The following ZNF721 variants were observed in gnomAD, a reference collection of about 807,000 sequenced individuals.
ZNF721 encodes the protein zinc finger protein 721.
A neutral mutation model predicts 2.4 loss-of-function variants in ZNF721; 2 were observed. That is an observed-to-expected ratio of 0.82 (90% CI 0.34 to 2.58). The LOEUF is 2.58. Ranked by LOEUF, ZNF721 falls within the 30% of genes most tolerant of loss-of-function variation. ZNF721 has a pLI of 0.11. For missense variants in ZNF721, 1,187 were observed against 1,085.5 expected (o/e 1.09, Z -1.31); for synonymous variants, 398 against 381.8 (o/e 1.04, Z -0.50).
At chr4:484,133 T>C (rs1715835952) in intron 1 of ZNF721, among the ~76,000 whole-genome samples, 1 of 152,226 alleles carries the variant, frequency 6.6e-6, no homozygotes, top group African/African-American at 2.4e-5. Context: ...ATTAATACTT[T>C]TGTAATTTCT....
At chr4:447,064 G>A (rs1027266772) in intron 2 of ZNF721, among the ~76,000 whole-genome samples, 1 of 152,140 alleles carries the variant, frequency 6.6e-6, no homozygotes, top group Non-Finnish European at 1.5e-5. Context: ...GCTCACACCT[G>A]TAATCCCAGC....
intron 1 of ZNF721, among the ~76,000 whole-genome samples, chr4:482,330 A>AT (rs562090365): frequency 3.6e-4 from 54 of 151,936 alleles, no homozygotes; most frequent in African/African-American, 1.2e-3. Context: ...CACCTGGCTA[A>AT]TTTTTTGTAT....
In ZNF721 at chr4:443,714, A is replaced by T. The variant is rs782057251; in HGVS notation, c.753T>A (p.Cys251Ter). The T allele has an allele frequency of 5.6e-5, 91 of 1,613,980 alleles. No individual in the cohort carries two copies. The highest frequency in any genetic ancestry group is 3.3e-4 in the Middle Eastern group (2 of 6,084). ...AGGAAATGACTTTGCCACATTCCTT[A>T]CATTTGTAGGGTTTCTCTCCAGTAT... ...KIHTGEKPYKCKECGKVISSS... is the reference protein window; with the variant it reads ...KIHTGEKPYK Residue 251 changes from cysteine to a stop codon, truncating the protein, a stop_gained, in exon 3 of 3, where the codon TGT becomes TGA. Transcript: ENST00000511833. LOFTEE classifies it low-confidence loss of function (END_TRUNC).
At chr4:458,916 T>A (rs60285705) in intron 2 of ZNF721, among the ~76,000 whole-genome samples, 26,820 of 151,764 alleles carry the variant, frequency 0.18, 2,971 homozygotes, top group Non-Finnish European at 0.23. Context: ...AAAGGTCAGG[T>A]TACCCACAAA....
intron 1 of ZNF721, among the ~76,000 whole-genome samples, chr4:485,713 C>T (rs1215749761): frequency 8.5e-5 from 13 of 152,312 alleles, no homozygotes; most frequent in African/African-American, 1.9e-4. Flanking sequence ...AACTGGCGCA[C>T]GCCTGTAATC....
At chr4:458,644 G>A (rs782279611) in intron 2 of ZNF721, among the ~76,000 whole-genome samples, 6 of 152,086 alleles carry the variant, frequency 3.9e-5, no homozygotes, top group African/African-American at 1.2e-4. Flanking sequence ...TCAGGAGTTC[G>A]AGACCAGCCT....
intron 1 of ZNF721, among the ~76,000 whole-genome samples, chr4:476,196 T>C (rs1431071971): frequency 2.0e-5 from 3 of 152,212 alleles, no homozygotes; most frequent in Admixed American, 6.5e-5. Context: ...AAGTCTTTCA[T>C]TCCTTCCAGA....
intron 1 of ZNF721, among the ~76,000 whole-genome samples, chr4:480,956 T>G (rs1715756800): frequency 1.3e-5 from 2 of 152,136 alleles, no homozygotes; most frequent in Non-Finnish European, 2.9e-5. Context: ...AGCATCTTAC[T>G]TTTCCACACA....
chr4:442,726 C>T lies in ZNF721; in HGVS notation c.1741G>A (p.Gly581Arg), dbSNP rs1553863442. Residue 581 changes from glycine to arginine, a missense_variant, in exon 3 of 3, where the codon GGA becomes AGA. Gly to Arg is a moderately radical substitution (Grantham distance 125). Coordinates refer to ENST00000511833, the MANE Select transcript of ZNF721 (RefSeq NM_133474.4). ...NLYVHRRIHTGEKPYKCEECG... is the reference protein window; with the variant it reads ...NLYVHRRIHTREKPYKCEECG... ...TCTTCACATTTGTAAGGTTTCTCTCCAGTATGAATTCTCCTATGTACATAA... is the reference window on the plus strand; with the variant it reads ...TCTTCACATTTGTAAGGTTTCTCTCTAGTATGAATTCTCCTATGTACATAA... 6.2e-7 allele frequency: 1 copy of T among 1,614,172 alleles called. No individual in the cohort carries two copies. Among genetic ancestry groups the T allele is most frequent in the African/African-American group, 1.3e-5 (1 of 75,052 alleles).
Position 441,588 on chromosome 4 carries a change from G to A in ZNF721, c.*107C>T. 8.0e-6 allele frequency: 7 copies of A among 879,568 alleles called. No homozygotes were observed. Among genetic ancestry groups the A allele is most frequent in the Admixed American group, 2.9e-5 (1 of 34,420 alleles). 54.5% of individuals were successfully genotyped at this position (879,568 alleles called of 1,614,324 possible). On this transcript the variant is annotated 3_prime_UTR_variant, in exon 3 of 3. Transcript: ENST00000511833. ...TCTTATGATTAGAAAGGATTGAGGA[G>A]CATTTAAAGACCGCGACATTCGTCA... is the stretch of plus-strand genomic sequence containing the variant.
intron 1 of ZNF721, among the ~76,000 whole-genome samples, chr4:496,707 CTTTTTTTTTTTTTTT>C (rs781947891): frequency 4.8e-5 from 4 of 83,842 alleles, no homozygotes; most frequent in Middle Eastern, 0.011. Context: ...TACATGACTT[CTTTTTTTTTTTTTTT>C]TTTTTTTTTT....
At chr4:485,157 G>C (rs1376133538) in intron 1 of ZNF721, among the ~76,000 whole-genome samples, 1 of 152,158 alleles carries the variant, frequency 6.6e-6, no homozygotes, top group Non-Finnish European at 1.5e-5. Context: ...ACAGGTGTGA[G>C]CTACCACGCC....
chr4:484,018 G>A (rs1553869889), intron 1 of ZNF721, among the ~76,000 whole-genome samples: 1 of 152,168 alleles, frequency 6.6e-6, no homozygotes, highest in Non-Finnish European at 1.5e-5. Context: ...CACCATGTTG[G>A]TCAGTGTTAT....
At position 443,284 on chromosome 4, in the gene ZNF721, CA is replaced by C; in HGVS notation, c.1182del (p.Cys394TrpfsTer39). 6.2e-7 allele frequency: 1 copy of C among 1,613,984 alleles called. No homozygotes were observed. Among genetic ancestry groups the C allele is most frequent in the Non-Finnish European group, 8.5e-7 (1 of 1,179,980 alleles). ...TTTGTTGAACTATTAAAGGCTTTGCCACACTCTTCACATTTGTAAGGTTTCT... is the reference window on the plus strand; with the variant it reads ...TTTGTTGAACTATTAAAGGCTTTGCCCACTCTTCACATTTGTAAGGTTTCT... ...TGEKPYKCEECGKAFNSSTNL... is the reference protein window; with the variant it reads ...TGEKPYKCEEXGKAFNSSTNL... On this transcript the variant is annotated frameshift_variant, in exon 3 of 3. Transcript: ENST00000511833. LOFTEE classifies it low-confidence loss of function (END_TRUNC).
intron 1 of ZNF721, among the ~76,000 whole-genome samples, chr4:495,331 C>CAAAAA (rs548290022): frequency 1.1e-5 from 1 of 90,506 alleles, no homozygotes; most frequent in Non-Finnish European, 2.2e-5. Context: ...AACTTTTGCT[C>CAAAAA]AAAAAAAAAA....
At chr4:469,565 T>C (rs1553867281) in intron 2 of ZNF721, among the ~76,000 whole-genome samples, 3 of 152,180 alleles carry the variant, frequency 2.0e-5, no homozygotes, top group African/African-American at 7.2e-5. Context: ...TTCACAGTAA[T>C]AGAAAACACA....
chr4:488,098 G>C (rs1363716829), intron 1 of ZNF721, among the ~76,000 whole-genome samples: 1 of 152,194 alleles, frequency 6.6e-6, no homozygotes, highest in Non-Finnish European at 1.5e-5. Context: ...TTAAAACCCA[G>C]AAAACATTAT....
chr4:460,136 C>G (rs113886072), intron 2 of ZNF721, among the ~76,000 whole-genome samples: 1 of 152,120 alleles, frequency 6.6e-6, no homozygotes, highest in Non-Finnish European at 1.5e-5. Flanking sequence ...ATCAATAGAA[C>G]ATACATTATT....
rs1449712045 is a variant in ZNF721 at position 480,829 on chromosome 4, G to GGGC, written c.-93-8129_-93-8128insGCC. Among the ~76,000 whole-genome samples the GGGC allele has an allele frequency of 1.5e-3, 219 of 143,044 alleles. 9 individuals are homozygous for GGGC. Among genetic ancestry groups the GGGC allele is most frequent in the African/African-American group, 5.2e-3 (201 of 39,012 alleles). 93.8% of individuals were successfully genotyped at this position (143,044 alleles called of 152,430 possible). On this transcript the variant is annotated intron_variant, in intron 1 of 2. Transcript: ENST00000511833. Reference sequence around the variant, plus strand: ...AAGTAGCTTTCACCTTTTGTGGGGGGGGGGGGAATGCTGTTATACACATGT... The same window carrying GGGC: ...AAGTAGCTTTCACCTTTTGTGGGGGGGGCGGGGGGAATGCTGTTATACACATGT...
Sources: gnomAD v4.1 joint callset for allele counts (sites outside exome capture counted in the v4.1 genomes callset) on GRCh38, gnomAD v4.1.1 for gene constraint, MANE v1.5 for transcripts, NCBI Gene and HGNC (gene_info 2026-07-23, HGNC 2026-07-21) for gene names.